Variants in RMDN2 observed in about 807,000 individuals in gnomAD.
RMDN2 encodes the protein regulator of microtubule dynamics 2, also known as regulator of microtubule dynamics protein 2.
A neutral mutation model predicts 52.8 loss-of-function variants in RMDN2; 61 were observed. That is an observed-to-expected ratio of 1.16 (90% confidence interval 0.94 to 1.43). The LOEUF (loss-of-function observed/expected upper bound fraction) is 1.43, where lower values mean the gene tolerates loss of function less well. Ranked by LOEUF, RMDN2 falls within the 40% of genes most tolerant of loss-of-function variation. The pLI is 0.00. For synonymous variants in RMDN2, 180 were observed against 153.1 expected (o/e 1.18, Z -1.30); for missense variants, 592 against 475.3 (o/e 1.25, Z -2.28).
intron 7 of RMDN2, among the ~76,000 whole-genome samples, chr2:37,991,623 C>T (rs758586399): frequency 2.0e-5 from 3 of 151,978 alleles, no homozygotes; most frequent in Non-Finnish European, 4.4e-5. Context: ...GCAGTAGTCA[C>T]GTTCCCTCCC....
chr2:38,003,626 A>AGACAGAC (rs1676663171), intron 8 of RMDN2, among the ~76,000 whole-genome samples: 1 of 152,178 alleles, frequency 6.6e-6, no homozygotes, highest in African/African-American at 2.4e-5. Flanking sequence ...ACAGACAGAC[A>AGACAGAC]AATATATAGG....
At chr2:38,012,396 G>A (rs908794636) in intron 10 of RMDN2, among the ~76,000 whole-genome samples, 1 of 152,174 alleles carries the variant, frequency 6.6e-6, no homozygotes, top group African/African-American at 2.4e-5. Flanking sequence ...CCCTAATCCT[G>A]TGTAACTGCC....
At chr2:37,977,226 G>A (rs1223006883) in intron 4 of RMDN2, among the ~76,000 whole-genome samples, 1 of 152,228 alleles carries the variant, frequency 6.6e-6, no homozygotes, top group Non-Finnish European at 1.5e-5. Flanking sequence ...ACAAAATGGA[G>A]TCTCCTATGT....
intron 10 of RMDN2, among the ~76,000 whole-genome samples, chr2:38,022,828 T>TACA (rs1679494087): frequency 6.6e-6 from 1 of 152,212 alleles, no homozygotes; most frequent in African/African-American, 2.4e-5. Context: ...TGAATGGGGT[T>TACA]AGCTTTTACA....
chr2:37,951,130 A>G, intron 2 of RMDN2: 5 of 1,108,004 alleles, frequency 4.5e-6, no homozygotes, highest in East Asian at 2.4e-5. Flanking sequence ...AACAATACCA[A>G]TTGGTGGACA....
chr2:37,982,421 A>G (rs1345103792), intron 5 of RMDN2, among the ~76,000 whole-genome samples: 6 of 152,168 alleles, frequency 3.9e-5, no homozygotes, highest in Non-Finnish European at 7.3e-5. Flanking sequence ...ATAGCTTTAG[A>G]TGAGATGCAA....
rs1210640465 is a variant in RMDN2 at position 37,975,062 on chromosome 2, T to C, written c.628-150T>C. 11 of 633,784 alleles carry C rather than the reference T, an allele frequency of 1.7e-5. No homozygotes were observed. The East Asian group carries it at 3.1e-4, about 18-fold the overall frequency. The allele number at this position is 633,784 out of a possible 1,614,324, so 39.3% of individuals were successfully genotyped here. On this transcript the variant is annotated intron_variant, in intron 3 of 10. Transcript: ENST00000354545. ...GCCATGAGTATTTGGATTAAAAATG[T>C]TTCACACGAAATATGCATATACATA...
At chr2:38,028,122 T>C (rs909577060) in intron 10 of RMDN2, 1 of 152,192 alleles carries the variant, frequency 6.6e-6, no homozygotes, top group East Asian at 1.9e-4. Flanking sequence ...GCTAAAATTA[T>C]GGGGACTATC....
At chr2:37,969,790 G>A (rs1272258883) in intron 2 of RMDN2, among the ~76,000 whole-genome samples, 1 of 151,818 alleles carries the variant, frequency 6.6e-6, no homozygotes, top group East Asian at 1.9e-4. Flanking sequence ...AGTGTGAAAT[G>A]TATTATTGTA....
chr2:37,935,457 A>C (rs1241811447), intron 2 of RMDN2, among the ~76,000 whole-genome samples: 1 of 152,216 alleles, frequency 6.6e-6, no homozygotes, highest in Non-Finnish European at 1.5e-5. Context: ...TCAGAAGCTC[A>C]TTGTGTGGTG....
At chr2:38,056,026 C>T (rs1681844261) in intron 10 of RMDN2, among the ~76,000 whole-genome samples, 1 of 152,162 alleles carries the variant, frequency 6.6e-6, no homozygotes. Context: ...ACACACACTG[C>T]ATGCAAACAC....
At chr2:38,007,179 A>G (rs1010734277) in intron 10 of RMDN2, among the ~76,000 whole-genome samples, 3 of 151,920 alleles carry the variant, frequency 2.0e-5, no homozygotes, top group African/African-American at 7.2e-5. Context: ...TTTTTGTTGT[A>G]TCTCTGCCAG....
downstream of RMDN2, among the ~76,000 whole-genome samples, chr2:38,019,267 C>T (rs551626729): frequency 1.3e-5 from 2 of 152,142 alleles, no homozygotes; most frequent in Admixed American, 6.5e-5. Flanking sequence ...ACTTCCTTTA[C>T]GAATTATGAG....
rs60052181 is a variant in RMDN2 at position 37,963,317 on chromosome 2, CT to C, written c.453-10705del. On this transcript the variant is annotated intron_variant, in intron 2 of 10. Coordinates refer to ENST00000354545, the MANE Select transcript of RMDN2 (RefSeq NM_001170791.3). ...AATTTGGCTTCATACACGTGAGTTT[CT>C]TTTTTTTTTTTTTTTTTAATTGATC... is the stretch of plus-strand genomic sequence containing the variant. 4.4e-3 allele frequency: 508 copies of C among 115,566 alleles called. 1 individual carries two copies. The highest frequency in any genetic ancestry group is 6.3e-3 in the Non-Finnish European group (365 of 58,134). The allele number at this position is 115,566 out of a possible 1,614,324, so 7.2% of individuals were successfully genotyped here. A position where few individuals can be genotyped will look rare whatever the true frequency, so the allele number is the denominator to read the frequency against.
chr2:38,002,004 G>T (rs545821546), intron 8 of RMDN2, among the ~76,000 whole-genome samples: 1 of 152,018 alleles, frequency 6.6e-6, no homozygotes, highest in African/African-American at 2.4e-5. Flanking sequence ...TTCATTCCAC[G>T]CCCAGACACT....
chr2:38,014,634 TTA>T (rs752132018), intron 10 of RMDN2, among the ~76,000 whole-genome samples: 16 of 152,356 alleles, frequency 1.1e-4, no homozygotes, highest in East Asian at 5.8e-4. Flanking sequence ...TATCCAGTCT[TTA>T]GCAGAGAGCA....
At chr2:37,953,347 C>A (rs1185456218) in intron 2 of RMDN2, among the ~76,000 whole-genome samples, 1 of 151,986 alleles carries the variant, frequency 6.6e-6, no homozygotes, top group Non-Finnish European at 1.5e-5. Flanking sequence ...TAAGAACTCT[C>A]TACTCTCTCT....
chr2:38,038,132 A>G (rs1227003938), intron 10 of RMDN2, among the ~76,000 whole-genome samples: 1 of 151,920 alleles, frequency 6.6e-6, no homozygotes, highest in African/African-American at 2.4e-5. Context: ...AACCACAGAA[A>G]AGCACTTCCA....
At chr2:38,050,236 C>A (rs1681506593) in intron 10 of RMDN2, among the ~76,000 whole-genome samples, 1 of 152,030 alleles carries the variant, frequency 6.6e-6, no homozygotes, top group Non-Finnish European at 1.5e-5. Context: ...TCTCATGCCT[C>A]CTCAGGGACT....
Sources: gnomAD v4.1 joint callset for allele counts (sites outside exome capture counted in the v4.1 genomes callset) on GRCh38, gnomAD v4.1.1 for gene constraint, MANE v1.5 for transcripts, NCBI Gene and HGNC (gene_info 2026-07-23, HGNC 2026-07-21) for gene names.